Variants in RNF220 observed in about 807,000 individuals in gnomAD.
RNF220 encodes E3 ubiquitin-protein ligase RNF220.
A neutral mutation model predicts 67.1 loss-of-function variants in RNF220; 7 were observed. The ratio of observed to expected loss-of-function variants is 0.10; its 90% CI spans 0.06 to 0.20. RNF220 has a LOEUF of 0.20. RNF220 is among the 10% of genes least tolerant of loss of function. The pLI is 1.00. For missense variants in RNF220, 565 were observed against 740.3 expected, an observed-to-expected ratio of 0.76 and a Z score of 2.75; for synonymous variants, 270 against 283.2, an observed-to-expected ratio of 0.95 and a Z score of 0.47.
intron 1 of RNF220, among the ~76,000 whole-genome samples, chr1:44,408,101 G>C (rs1557894718): frequency 6.6e-6 from 1 of 152,194 alleles, no homozygotes; most frequent in Non-Finnish European, 1.5e-5. Context: ...AGAGTAGTGG[G>C]CTCGGCTCCG....
intron 2 of RNF220, among the ~76,000 whole-genome samples, chr1:44,422,997 G>A (rs928598256): frequency 2.6e-5 from 4 of 152,180 alleles, no homozygotes; most frequent in African/African-American, 4.8e-5. Flanking sequence ...GGCACCATGC[G>A]AGGTACTGGG....
intron 2 of RNF220, among the ~76,000 whole-genome samples, chr1:44,607,838 A>G (rs1411509780): frequency 1.3e-5 from 2 of 151,396 alleles, no homozygotes; most frequent in African/African-American, 4.9e-5. Flanking sequence ...TCACTGTTTG[A>G]CTGGTTCCCA....
intron 2 of RNF220, among the ~76,000 whole-genome samples, chr1:44,515,878 A>T (rs539126176): frequency 3.4e-4 from 52 of 152,344 alleles, no homozygotes; most frequent in African/African-American, 1.3e-3. Context: ...TGTAAATTAC[A>T]TACACTTTCC....
At chr1:44,546,545 G>C (rs931619541) in intron 2 of RNF220, among the ~76,000 whole-genome samples, 1 of 152,176 alleles carries the variant, frequency 6.6e-6, no homozygotes, top group Non-Finnish European at 1.5e-5. Context: ...TGTACAGGGG[G>C]ATTTATTGAA....
At chr1:44,468,773 C>T (rs1197618955) in intron 2 of RNF220, among the ~76,000 whole-genome samples, 5 of 151,938 alleles carry the variant, frequency 3.3e-5, no homozygotes, top group Middle Eastern at 3.2e-3. Flanking sequence ...AAAAATTAGC[C>T]GGGCATGGTG....
At chr1:44,514,435 G>A (rs1659291080) in intron 2 of RNF220, among the ~76,000 whole-genome samples, 1 of 152,208 alleles carries the variant, frequency 6.6e-6, no homozygotes, top group African/African-American at 2.4e-5. Context: ...TTCAGGGGTT[G>A]CAGTGAAGCT....
chr1:44,422,845 T>A (rs934188660), intron 2 of RNF220, among the ~76,000 whole-genome samples: 9 of 152,238 alleles, frequency 5.9e-5, no homozygotes, highest in Non-Finnish European at 1.5e-5. Flanking sequence ...TACTGCTTCA[T>A]CTTAGCTGTT....
intron 2 of RNF220, among the ~76,000 whole-genome samples, chr1:44,575,850 T>C (rs982970789): frequency 6.6e-6 from 1 of 152,226 alleles, no homozygotes; most frequent in African/African-American, 2.4e-5. Context: ...CTGTGCTTTT[T>C]ATTGCCTGCT....
At chr1:44,615,675 G>A (rs1643515947) in intron 3 of RNF220, among the ~76,000 whole-genome samples, 1 of 152,192 alleles carries the variant, frequency 6.6e-6, no homozygotes, top group Non-Finnish European at 1.5e-5. Flanking sequence ...TGCTATACGG[G>A]AAGAACTGGA....
At chr1:44,630,437 C>T (rs1644083204) in intron 5 of RNF220, among the ~76,000 whole-genome samples, 1 of 152,188 alleles carries the variant, frequency 6.6e-6, no homozygotes, top group Non-Finnish European at 1.5e-5. Flanking sequence ...GCCCTAAATC[C>T]GAGATTGTTT....
chr1:44,529,313 T>C (rs1660647414), intron 2 of RNF220, among the ~76,000 whole-genome samples: 1 of 151,816 alleles, frequency 6.6e-6, no homozygotes, highest in African/African-American at 2.4e-5. Context: ...AAAATAATGT[T>C]AAGTAAAACT....
At chr1:44,408,626 GA>G (rs1443265159) in intron 1 of RNF220, 2 of 152,128 alleles carry the variant, frequency 1.3e-5, no homozygotes, top group African/African-American at 4.8e-5. Flanking sequence ...TTATGCAAAG[GA>G]AAAATATCGT....
At chr1:44,561,112 A>G (rs1418229942) in intron 2 of RNF220, among the ~76,000 whole-genome samples, 2 of 152,224 alleles carry the variant, frequency 1.3e-5, no homozygotes, top group African/African-American at 4.8e-5. Flanking sequence ...TACCTGTACA[A>G]GTAAATGGAT....
chr1:44,479,778 A>G (rs997957861), intron 2 of RNF220, among the ~76,000 whole-genome samples: 1 of 152,174 alleles, frequency 6.6e-6, no homozygotes, highest in Non-Finnish European at 1.5e-5. Flanking sequence ...TGGGTTCTCT[A>G]TATTCCCACT....
At chr1:44,465,087 AAAGAATCAAAG>A (rs1199047290) in intron 2 of RNF220, among the ~76,000 whole-genome samples, 1 of 152,224 alleles carries the variant, frequency 6.6e-6, no homozygotes, top group African/African-American at 2.4e-5. Flanking sequence ...ATGTGAAAAG[AAAGAATCAAAG>A]AAAGGAGATG....
chr1:44,632,095 A>C, intron 5 of RNF220: 1 of 1,355,616 alleles, frequency 7.4e-7, no homozygotes, highest in Non-Finnish European at 9.6e-7. Flanking sequence ...GCCGGAGGCC[A>C]GGGCTGGGGC....
chr1:44,418,670 C>G (rs1227096477), intron 2 of RNF220, among the ~76,000 whole-genome samples: 1 of 151,720 alleles, frequency 6.6e-6, no homozygotes, highest in Non-Finnish European at 1.5e-5. Context: ...CACATTGTAT[C>G]CAAATAACAA....
At chr1:44,596,050 C>T (rs906288688) in intron 2 of RNF220, among the ~76,000 whole-genome samples, 4 of 152,212 alleles carry the variant, frequency 2.6e-5, no homozygotes, top group Non-Finnish European at 4.4e-5. Context: ...GGGCGTGCGC[C>T]GCCATGCCTG....
At chr1:44,605,872 A>G (rs1244292080) in intron 2 of RNF220, among the ~76,000 whole-genome samples, 1 of 152,212 alleles carries the variant, frequency 6.6e-6, no homozygotes, top group Non-Finnish European at 1.5e-5. Flanking sequence ...GGAACTGCTG[A>G]AAATGTCACC....
Sources: gnomAD v4.1 joint callset for allele counts (sites outside exome capture counted in the v4.1 genomes callset) on GRCh38, gnomAD v4.1.1 for gene constraint, MANE v1.5 for transcripts, NCBI Gene and HGNC (gene_info 2026-07-23, HGNC 2026-07-21) for gene names.